The following FAM20B variants were observed in gnomAD, a reference collection of about 807,000 sequenced individuals.
The protein encoded by FAM20B is glycosaminoglycan xylosylkinase.
In FAM20B, 23 loss-of-function variants were observed where a neutral mutation model predicts 43.8. The ratio of observed to expected loss-of-function variants is 0.53; its 90% CI spans 0.38 to 0.74. The LOEUF is 0.74. Ranked by LOEUF, FAM20B falls within the 30% of genes least tolerant of loss-of-function variation. The pLI is 0.00. For missense variants in FAM20B, 440 were observed against 510.5 expected (o/e 0.86, Z 1.33); for synonymous variants, 178 against 192.4 (o/e 0.93, Z 0.62).
intron 3 of FAM20B, among the ~76,000 whole-genome samples, chr1:179,050,740 T>C (rs1650971992): frequency 6.6e-6 from 1 of 152,248 alleles, no homozygotes. Context: ...TGCTGACTTA[T>C]TTCCATGTGC....
At chr1:179,050,474 T>G in intron 3 of FAM20B, 109 bp downstream of exon 3, 1 of 731,810 alleles carries the variant, frequency 1.4e-6, no homozygotes, top group Admixed American at 2.3e-5. Flanking sequence ...AAATAACTTG[T>G]TATCGATTTT....
upstream of FAM20B, among the ~76,000 whole-genome samples, chr1:179,020,943 C>G (rs757737777): frequency 6.6e-6 from 1 of 152,132 alleles, no homozygotes; most frequent in Admixed American, 6.5e-5. Context: ...TGGTGGCGCA[C>G]GCCTGTAGTC....
chr1:179,064,238 T>C (rs1651597976), intron 5 of FAM20B, 67 bp from the exon 6 acceptor site: 1 of 1,461,796 alleles, frequency 6.8e-7, no homozygotes, highest in South Asian at 1.3e-5. Flanking sequence ...AACTCTGTCT[T>C]CTCTTTGTGT....
chr1:179,019,443 G>GT, the FAM20B span, among the ~76,000 whole-genome samples: 13,595 of 144,464 alleles, frequency 0.094, 673 homozygotes, highest in Middle Eastern at 0.14. Flanking sequence ...TTTCTTTCTG[G>GT]TTTTTTTTTT....
At chr1:179,044,259 TG>T (rs1650671853) in intron 2 of FAM20B, 35 bp downstream of exon 2, 3 of 1,555,224 alleles carry the variant, frequency 1.9e-6, no homozygotes, top group Non-Finnish European at 2.6e-6. Flanking sequence ...ATGTGCTAGT[TG>T]GTTGATTCAT....
upstream of FAM20B, among the ~76,000 whole-genome samples, chr1:179,023,448 G>A (rs1444307316): frequency 6.6e-6 from 1 of 152,210 alleles, no homozygotes; most frequent in Non-Finnish European, 1.5e-5. Flanking sequence ...AGTGGTAAAA[G>A]GAGCATCACA....
chr1:179,064,932 T>C (rs1265411572), intron 6 of FAM20B, among the ~76,000 whole-genome samples: 1 of 152,220 alleles, frequency 6.6e-6, no homozygotes, highest in Non-Finnish European at 1.5e-5. Context: ...TTTGTGTTTG[T>C]CTAGGTCCAT....
intron 4 of FAM20B, among the ~76,000 whole-genome samples, chr1:179,061,358 T>C (rs1435736379): frequency 6.6e-6 from 1 of 151,890 alleles, no homozygotes; most frequent in Non-Finnish European, 1.5e-5. Context: ...AATGGTGATT[T>C]TTTTTTTGAA....
At chr1:179,054,255 TAG>T (rs1260843623) in intron 3 of FAM20B, among the ~76,000 whole-genome samples, 1 of 152,106 alleles carries the variant, frequency 6.6e-6, no homozygotes, top group East Asian at 1.9e-4. Context: ...GTAGAAAGAA[TAG>T]TATAATGAGC....
intron 1 of FAM20B, among the ~76,000 whole-genome samples, chr1:179,026,345 G>C (rs1649774281): frequency 6.6e-6 from 1 of 151,940 alleles, no homozygotes; most frequent in South Asian, 2.1e-4. Context: ...GCGTGTCCCT[G>C]TGTGCGGTCG....
chr1:179,069,414 A>T (rs1295700878), intron 7 of FAM20B, among the ~76,000 whole-genome samples: 1 of 152,204 alleles, frequency 6.6e-6, no homozygotes, highest in African/African-American at 2.4e-5. Flanking sequence ...TCTGTCGCCC[A>T]GGCTGGAGTG....
At chr1:179,034,430 T>TC (rs1650135850) in intron 1 of FAM20B, among the ~76,000 whole-genome samples, 1 of 152,118 alleles carries the variant, frequency 6.6e-6, no homozygotes, top group Non-Finnish European at 1.5e-5. Flanking sequence ...AGACAGGGTC[T>TC]CACTGTGTTA....
upstream of FAM20B, among the ~76,000 whole-genome samples, chr1:179,025,447 A>G (rs1649713154): frequency 6.6e-6 from 1 of 152,198 alleles, no homozygotes; most frequent in Admixed American, 6.5e-5. Flanking sequence ...AGTTCCGAGC[A>G]GAAGTCAAGG....
At chr1:179,049,941 G>A (rs954120301) in intron 2 of FAM20B, among the ~76,000 whole-genome samples, 3 of 152,170 alleles carry the variant, frequency 2.0e-5, no homozygotes, top group African/African-American at 7.2e-5. Context: ...GCTTAACACT[G>A]TGCTGGCAAT....
In FAM20B at chr1:179,043,800, T is replaced by C. The variant is rs1306275025; in HGVS notation, c.-48T>C. On this transcript the variant is annotated 5_prime_UTR_variant, in exon 2 of 8. Transcript: ENST00000263733. ...TGCTAACCATCACCACCAGCTCTCC[T>C]TAATACATGAGCAAGAGTGGGTCAG... The C allele has an allele frequency of 1.3e-6, 2 of 1,539,262 alleles. No individual in the cohort carries two copies. The highest frequency in any genetic ancestry group is 1.8e-6 in the Non-Finnish European group (2 of 1,137,202).
At chr1:179,020,319 G>A in the FAM20B span, among the ~76,000 whole-genome samples, 1 of 152,164 alleles carries the variant, frequency 6.6e-6, no homozygotes, top group African/African-American at 2.4e-5. Context: ...ACAGCCACAG[G>A]CTTCTGTATG....
At chr1:179,039,090 G>A (rs1199777434) in intron 1 of FAM20B, among the ~76,000 whole-genome samples, 1 of 152,126 alleles carries the variant, frequency 6.6e-6, no homozygotes. Context: ...CTATTTTTTT[G>A]TATTGGTTTT....
intron 1 of FAM20B, among the ~76,000 whole-genome samples, chr1:179,039,968 A>G (rs1650414027): frequency 6.6e-6 from 1 of 152,192 alleles, no homozygotes; most frequent in African/African-American, 2.4e-5. Flanking sequence ...CATCTGTTTA[A>G]CAAAGCACAT....
chr1:179,039,950 C>CAAACAT (rs1650413475), intron 1 of FAM20B, among the ~76,000 whole-genome samples: 1 of 152,076 alleles, frequency 6.6e-6, no homozygotes, highest in African/African-American at 2.4e-5. Flanking sequence ...GAGCATGCTG[C>CAAACAT]CTTCAAACAT....
Sources: allele counts gnomAD v4.1 joint callset (sites outside exome capture counted in the v4.1 genomes callset), GRCh38; gene constraint gnomAD v4.1.1; transcripts MANE v1.5; gene names NCBI Gene and HGNC (gene_info 2026-07-23, HGNC 2026-07-21).